SGCZ: variants seen among roughly 807,000 people sequenced by gnomAD.
SGCZ encodes the protein zeta-sarcoglycan.
A neutral mutation model predicts 41.3 loss-of-function variants in SGCZ; 40 were observed. The ratio of observed to expected loss-of-function variants is 0.97; its 90% CI spans 0.75 to 1.26. SGCZ has a LOEUF of 1.26. SGCZ is among the 50% of genes most tolerant of loss of function. SGCZ has a pLI of 0.00. For synonymous variants in SGCZ, 206 were observed against 137.5 expected (o/e 1.50, Z -3.49); for missense variants, 552 against 369.8 (o/e 1.49, Z -4.04).
At chr8:14,157,867 C>T (rs1563158927) in intron 5 of SGCZ, among the ~76,000 whole-genome samples, 3 of 152,182 alleles carry the variant, frequency 2.0e-5, no homozygotes, top group African/African-American at 7.2e-5. Context: ...GTCTGATTTC[C>T]TATAGATCAT....
chr8:14,831,668 TTG>T (rs555520011), intron 1 of SGCZ, among the ~76,000 whole-genome samples: 179 of 151,848 alleles, frequency 1.2e-3, no homozygotes, highest in African/African-American at 4.2e-3. Context: ...ATACATACAC[TTG>T]TCTCAGTATA....
chr8:14,823,727 G>C (rs766920707), intron 1 of SGCZ, among the ~76,000 whole-genome samples: 1 of 152,136 alleles, frequency 6.6e-6, no homozygotes, highest in Non-Finnish European at 1.5e-5. Flanking sequence ...CCATTCCTGT[G>C]TCTATATTCA....
At chr8:14,509,911 C>G (rs748883625) in intron 2 of SGCZ, among the ~76,000 whole-genome samples, 2 of 152,126 alleles carry the variant, frequency 1.3e-5, no homozygotes, top group Non-Finnish European at 1.5e-5. Flanking sequence ...ATCACAAGAA[C>G]AGCATGGGGG....
intron 1 of SGCZ, among the ~76,000 whole-genome samples, chr8:14,614,663 A>T (rs1806037255): frequency 6.6e-6 from 1 of 152,090 alleles, no homozygotes; most frequent in Non-Finnish European, 1.5e-5. Context: ...TCATAGTTGG[A>T]GTTAGAAAAT....
chr8:14,324,955 A>T (rs1228429722), intron 2 of SGCZ, among the ~76,000 whole-genome samples: 1 of 152,202 alleles, frequency 6.6e-6, no homozygotes, highest in East Asian at 1.9e-4. Context: ...TTCTGGCAAC[A>T]TTTAGATAAC....
chr8:14,148,651 G>C (rs866744148), intron 5 of SGCZ, among the ~76,000 whole-genome samples: 1 of 151,960 alleles, frequency 6.6e-6, no homozygotes, highest in Non-Finnish European at 1.5e-5. Context: ...ACTATTCCAG[G>C]AAATGGAAGA....
intron 1 of SGCZ, among the ~76,000 whole-genome samples, chr8:14,801,164 T>C (rs909340775): frequency 7.2e-5 from 11 of 152,174 alleles, no homozygotes; most frequent in South Asian, 4.1e-4. Flanking sequence ...TGGTCATGTA[T>C]ATGTGTGTAT....
chr8:14,183,899 C>T (rs1467071641), intron 4 of SGCZ, among the ~76,000 whole-genome samples: 1 of 152,072 alleles, frequency 6.6e-6, no homozygotes, highest in Non-Finnish European at 1.5e-5. Flanking sequence ...AAATTACTCA[C>T]AGATGAAATG....
At chr8:14,102,001 G>T (rs1484614112) in intron 7 of SGCZ, among the ~76,000 whole-genome samples, 2 of 150,952 alleles carry the variant, frequency 1.3e-5, no homozygotes, top group Non-Finnish European at 2.9e-5. Flanking sequence ...GGAGTGAATG[G>T]GTTGACGACA....
Position 15,025,497 on chromosome 8 carries a change from TA to T in SGCZ, c.39+212087del, listed in dbSNP as rs1391372065. Among the ~76,000 whole-genome samples the T allele has an allele frequency of 5.9e-5, 9 of 152,294 alleles. No homozygotes were observed. The South Asian group carries it at 1.9e-3, about 32-fold the overall frequency. On this transcript the variant is annotated intron_variant, in intron 1 of 7. Coordinates refer to ENST00000382080, the MANE Select transcript of SGCZ (RefSeq NM_139167.4). ...AGAGGTAGAGAGGCTGTAAAGGTGATAAAAGAGAGTGCTAAAAAACCACAGG... is the reference window on the plus strand; with the variant it reads ...AGAGGTAGAGAGGCTGTAAAGGTGATAAAGAGAGTGCTAAAAAACCACAGG...
At chr8:14,208,830 T>C (rs965824725) in intron 4 of SGCZ, among the ~76,000 whole-genome samples, 7 of 152,242 alleles carry the variant, frequency 4.6e-5, no homozygotes, top group Non-Finnish European at 8.8e-5. Flanking sequence ...TTATTACTTA[T>C]GCTACAGGAG....
chr8:14,530,763 C>G (rs11994890), intron 2 of SGCZ, among the ~76,000 whole-genome samples: 2 of 145,008 alleles, frequency 1.4e-5, no homozygotes, highest in Admixed American at 1.4e-4. Flanking sequence ...CTGGACCATC[C>G]CTTTAGCCCA....
chr8:14,487,699 G>A (rs1418209092), intron 2 of SGCZ: 1 of 152,238 alleles, frequency 6.6e-6, no homozygotes, highest in Non-Finnish European at 1.5e-5. Flanking sequence ...GTGCCTGAGG[G>A]AATTAGTAAT....
At chr8:14,242,879 A>G (rs965228703) in intron 3 of SGCZ, among the ~76,000 whole-genome samples, 4 of 152,194 alleles carry the variant, frequency 2.6e-5, no homozygotes, top group Non-Finnish European at 4.4e-5. Flanking sequence ...TATAAAAAAA[A>G]TAGGAAATTG....
chr8:14,093,720 A>C (rs545437751), intron 7 of SGCZ, among the ~76,000 whole-genome samples: 1 of 152,200 alleles, frequency 6.6e-6, no homozygotes, highest in Middle Eastern at 3.4e-3. Flanking sequence ...ATATATCATA[A>C]GTATATATAT....
At chr8:15,189,116 T>A (rs1800445661) in intron 1 of SGCZ, among the ~76,000 whole-genome samples, 1 of 152,210 alleles carries the variant, frequency 6.6e-6, no homozygotes, top group Non-Finnish European at 1.5e-5. Context: ...ATACTTTCAC[T>A]ATAACGGTTT....
chr8:14,792,391 G>A (rs939923727), intron 1 of SGCZ, among the ~76,000 whole-genome samples: 2 of 152,078 alleles, frequency 1.3e-5, no homozygotes, highest in Admixed American at 6.6e-5. Context: ...GAAAAGAACT[G>A]GGTGTATTAA....
intron 4 of SGCZ, 139 bp from the exon 5 acceptor site, chr8:14,164,841 C>G: frequency 9.0e-7 from 1 of 1,107,056 alleles, no homozygotes; most frequent in East Asian, 2.7e-5. Context: ...GAGTTAGTAT[C>G]TTTAAATTGT....
chr8:14,241,386 T>A (rs983639433), intron 3 of SGCZ, among the ~76,000 whole-genome samples: 9 of 149,914 alleles, frequency 6.0e-5, no homozygotes, highest in African/African-American at 1.9e-4. Context: ...ATATATTGCA[T>A]GATACACTAC....
Sources: gnomAD v4.1 joint callset for allele counts (sites outside exome capture counted in the v4.1 genomes callset) on GRCh38, gnomAD v4.1.1 for gene constraint, MANE v1.5 for transcripts, NCBI Gene and HGNC (gene_info 2026-07-23, HGNC 2026-07-21) for gene names.